PCDH9: variants seen among roughly 807,000 people sequenced by gnomAD.
PCDH9 encodes the protein protocadherin 9.
PCDH9 carries 24 observed loss-of-function variants against 70.6 expected under a neutral mutation model. The observed-to-expected ratio is 0.34, with a 90% CI of 0.25 to 0.48. The LOEUF (loss-of-function observed/expected upper bound fraction) is 0.48, where lower values mean the gene tolerates loss of function less well. PCDH9 is among the 20% of genes least tolerant of loss of function. The pLI is 0.99. For missense variants in PCDH9, 1,281 were observed against 1,503.6 expected (o/e 0.85, Z 2.45); for synonymous variants, 562 against 558.5 (o/e 1.01, Z -0.09).
chr13:66,463,390 T>G (rs146799809), intron 4 of PCDH9, among the ~76,000 whole-genome samples: 3 of 151,970 alleles, frequency 2.0e-5, no homozygotes, highest in African/African-American at 7.2e-5. Context: ...CTGATGTTCT[T>G]TCTTCTCCAA....
At chr13:66,750,236 T>C (rs911252314) in intron 3 of PCDH9, among the ~76,000 whole-genome samples, 1 of 152,150 alleles carries the variant, frequency 6.6e-6, no homozygotes, top group Non-Finnish European at 1.5e-5. Context: ...ATAGAAGAAA[T>C]AGATTCACAT....
chr13:66,829,008 C>CTTTTTTTG (rs1555273332), intron 3 of PCDH9, among the ~76,000 whole-genome samples: 6 of 151,774 alleles, frequency 4.0e-5, no homozygotes, highest in Middle Eastern at 3.4e-3. Context: ...TTCTGTGGGT[C>CTTTTTTTG]TTTTTTTGTT....
At chr13:67,176,702 T>G (rs1252098104) in intron 2 of PCDH9, among the ~76,000 whole-genome samples, 1 of 152,054 alleles carries the variant, frequency 6.6e-6, no homozygotes, top group Non-Finnish European at 1.5e-5. Flanking sequence ...CCCCTCTTTA[T>G]GTAATTGTAC....
chr13:66,356,106 T>G (rs2138183041), intron 4 of PCDH9, among the ~76,000 whole-genome samples: 1 of 152,238 alleles, frequency 6.6e-6, no homozygotes, highest in Middle Eastern at 3.4e-3. Flanking sequence ...CTGTGTACTA[T>G]GCATTAAAAA....
chr13:67,033,575 T>A (rs2084949793), intron 2 of PCDH9, among the ~76,000 whole-genome samples: 1 of 151,980 alleles, frequency 6.6e-6, no homozygotes, highest in South Asian at 2.1e-4. Flanking sequence ...AATGACAGAG[T>A]CAGGTCATGA....
chr13:67,093,685 C>G (rs2086264161), intron 2 of PCDH9, among the ~76,000 whole-genome samples: 1 of 152,070 alleles, frequency 6.6e-6, no homozygotes, highest in African/African-American at 2.4e-5. Context: ...AAAGTCAATA[C>G]CTGCCTGCAA....
At chr13:66,708,146 T>C (rs1279315542) in intron 3 of PCDH9, among the ~76,000 whole-genome samples, 1 of 150,830 alleles carries the variant, frequency 6.6e-6, no homozygotes, top group African/African-American at 2.4e-5. Flanking sequence ...GCCTCCCGGG[T>C]TCACGCCATT....
intron 2 of PCDH9, among the ~76,000 whole-genome samples, chr13:67,186,657 T>C (rs1000652334): frequency 2.6e-5 from 4 of 152,096 alleles, no homozygotes; most frequent in Admixed American, 2.0e-4. Context: ...AAAATTATTT[T>C]CCACTGGTAA....
chr13:66,708,109 G>C (rs573265072), intron 3 of PCDH9, among the ~76,000 whole-genome samples: 10 of 151,528 alleles, frequency 6.6e-5, no homozygotes, highest in African/African-American at 2.4e-4. Context: ...GAGTGCAGTG[G>C]CGGGATCTCG....
intron 2 of PCDH9, among the ~76,000 whole-genome samples, chr13:67,162,540 C>T (rs1389084031): frequency 6.6e-6 from 1 of 152,188 alleles, no homozygotes; most frequent in East Asian, 1.9e-4. Context: ...CCTTTCCTAT[C>T]TGATCACCAG....
At chr13:66,510,650 G>T (rs1959428334) in intron 4 of PCDH9, among the ~76,000 whole-genome samples, 1 of 152,040 alleles carries the variant, frequency 6.6e-6, no homozygotes, top group Admixed American at 6.6e-5. Context: ...TGAGAATGAT[G>T]GTTTCCAGCT....
intron 3 of PCDH9, among the ~76,000 whole-genome samples, chr13:66,854,551 G>T (rs1594156243): frequency 6.6e-6 from 1 of 152,194 alleles, no homozygotes; most frequent in Middle Eastern, 3.4e-3. Flanking sequence ...CCCAGCTGAG[G>T]TTGAACAAGG....
intron 2 of PCDH9, among the ~76,000 whole-genome samples, chr13:66,911,108 T>A (rs2082457226): frequency 6.6e-6 from 1 of 152,178 alleles, no homozygotes; most frequent in African/African-American, 2.4e-5. Context: ...GCAAACATAG[T>A]TTTTTGTATT....
chr13:66,901,829 T>C (rs187107558), intron 3 of PCDH9, among the ~76,000 whole-genome samples: 19 of 151,828 alleles, frequency 1.3e-4, no homozygotes, highest in East Asian at 9.6e-4. Flanking sequence ...TCTCACCACC[T>C]TTGGTAATCA....
chr13:67,228,539 G>A lies in PCDH9; in HGVS notation c.-99C>T. The A allele has an allele frequency of 1.1e-6, 1 of 927,296 alleles. No individual in the cohort carries two copies. Among genetic ancestry groups the A allele is most frequent in the Non-Finnish European group, 1.6e-6 (1 of 623,586 alleles). The allele number at this position is 927,296 out of a possible 1,614,324, so 57.4% of individuals were successfully genotyped here. Reference sequence around the variant, plus strand: ...AAGAGGAAGCGTGCATGGACTGGAGGATGCATTATATCTCATCACTTATTT... The same window carrying A: ...AAGAGGAAGCGTGCATGGACTGGAGAATGCATTATATCTCATCACTTATTT... On this transcript the variant is annotated 5_prime_UTR_variant, in exon 2 of 5. Transcript: ENST00000377865.
At chr13:66,874,942 T>TGTGTGTGTGTGAGA (rs533672911) in intron 3 of PCDH9, among the ~76,000 whole-genome samples, 1 of 109,934 alleles carries the variant, frequency 9.1e-6, no homozygotes, top group African/African-American at 2.7e-5. Flanking sequence ...TGTGTGTGTG[T>TGTGTGTGTGTGAGA]GAGAGAGAGA....
At chr13:66,754,703 A>G (rs1271714770) in intron 3 of PCDH9, among the ~76,000 whole-genome samples, 3 of 152,184 alleles carry the variant, frequency 2.0e-5, no homozygotes, top group Non-Finnish European at 4.4e-5. Context: ...AAATAGAAAT[A>G]CAGCTAGCAT....
chr13:67,229,290 A>G (rs1385851045), intron 1 of PCDH9, among the ~76,000 whole-genome samples: 2 of 152,266 alleles, frequency 1.3e-5, no homozygotes, highest in Non-Finnish European at 2.9e-5. Flanking sequence ...AAAATGTATA[A>G]TAATATAGGA....
intron 2 of PCDH9, among the ~76,000 whole-genome samples, chr13:67,060,271 C>T (rs1203483724): frequency 6.6e-5 from 10 of 151,974 alleles, no homozygotes; most frequent in Non-Finnish European, 1.5e-4. Context: ...TTTACAGCCA[C>T]CCTGTGCTCT....
Sources: allele counts gnomAD v4.1 joint callset (sites outside exome capture counted in the v4.1 genomes callset), GRCh38; gene constraint gnomAD v4.1.1; transcripts MANE v1.5; gene names NCBI Gene and HGNC (gene_info 2026-07-23, HGNC 2026-07-21).